Variants in PRAMEF1 observed in about 807,000 individuals in gnomAD.
PRAMEF1 encodes PRAME family member 1.
In PRAMEF1, 21 loss-of-function variants were observed where a neutral mutation model predicts 38.2. The observed-to-expected ratio is 0.55, with a 90% CI of 0.39 to 0.79. The LOEUF (loss-of-function observed/expected upper bound fraction) is 0.79, where lower values mean the gene tolerates loss of function less well. Ranked by LOEUF, PRAMEF1 falls within the 30% of genes least tolerant of loss-of-function variation. The pLI, the probability that PRAMEF1 is intolerant of heterozygous loss-of-function variation, is 0.00. For missense variants in PRAMEF1, 497 were observed against 565.8 expected (o/e 0.88, Z 1.23); for synonymous variants, 200 against 229.0 (o/e 0.87, Z 1.14).
rs749333484 is a variant in PRAMEF1 at position 12,795,525 on chromosome 1, C to T, written c.954C>T (p.Ser318=). Residue 318 remains serine, a synonymous_variant, in exon 4 of 4, where the codon AGC becomes AGT. Coordinates refer to ENST00000332296, the MANE Select transcript of PRAMEF1 (RefSeq NM_023013.4). Reference sequence around the variant, plus strand: ...TGAAGTGTCTCTCCCAGTACCCAAGCCTCGGTTACCTAAAGCATCTGAATC... The same window carrying T: ...TGAAGTGTCTCTCCCAGTACCCAAGTCTCGGTTACCTAAAGCATCTGAATC... ...EDMKCLSQYP[S]LGYLKHLNLS... 2.5e-5 allele frequency: 40 copies of T among 1,612,376 alleles called. No homozygotes were observed. The highest frequency in any genetic ancestry group is 1.8e-4 in the Middle Eastern group (1 of 5,618).
At position 12,795,734 on chromosome 1, in the gene PRAMEF1, G is replaced by A. The variant is rs753179092; in HGVS notation, c.1163G>A (p.Cys388Tyr). 5 of 1,611,276 alleles carry A rather than the reference G, an allele frequency of 3.1e-6. No individual in the cohort carries two copies. The highest frequency in any genetic ancestry group is 1.3e-5 in the African/African-American group (1 of 74,614). ...ACCACCTTCTACTTTGGCAGAAATT[G>A]CATGTCTATTGACGCCCTGAAGGAC... ...QLTTFYFGRN[C>Y]MSIDALKDLL... The change falls in exon 4 of 4, where the codon TGC becomes TAC. Residue 388 changes from cysteine to tyrosine, a missense_variant. By Grantham distance (194) the Cys-to-Tyr change is radical. Coordinates refer to ENST00000332296, the MANE Select transcript of PRAMEF1 (RefSeq NM_023013.4).
rs750066041 is a variant in PRAMEF1 at position 12,794,374 on chromosome 1, T to C, written c.747T>C (p.Asn249=). The C allele has an allele frequency of 2.5e-6, 4 of 1,611,996 alleles. No homozygotes were observed. In the South Asian group the frequency reaches 3.3e-5, roughly 13 times the overall value. ...FSRCHHYTSD[N]ELEGRLVAKF... Reference sequence around the variant, plus strand: ...GGTGCCATCATTACACGTCAGATAATGAACTCGAAGGACGGTTAGTTGCCA... The same window carrying C: ...GGTGCCATCATTACACGTCAGATAACGAACTCGAAGGACGGTTAGTTGCCA... Residue 249 remains asparagine (N), a synonymous_variant, in exon 3 of 4, where the codon AAT becomes AAC. Transcript: ENST00000332296.
At position 12,796,298 on chromosome 1, in the gene PRAMEF1, T is replaced by G. The variant is rs984704975; in HGVS notation, c.*302T>G. The G allele has an allele frequency of 2.1e-6, 1 of 478,244 alleles. No individual in the cohort carries two copies. Among genetic ancestry groups the G allele is most frequent in the Admixed American group, 4.0e-5 (1 of 25,040 alleles). 29.6% of individuals were successfully genotyped at this position (478,244 alleles called of 1,614,324 possible). ...AAAGGAAGCACAGGCAAGTGTTCAG[T>G]GTGAGGGAAAAAACATAACAGCAGG... On this transcript the variant is annotated 3_prime_UTR_variant, in exon 4 of 4. Coordinates refer to ENST00000332296, the MANE Select transcript of PRAMEF1 (RefSeq NM_023013.4).
Position 12,795,521 on chromosome 1 carries a change from C to T in PRAMEF1, c.950C>T (p.Pro317Leu), listed in dbSNP as rs371707578. ...GACATGAAGTGTCTCTCCCAGTACC[C>T]AAGCCTCGGTTACCTAAAGCATCTG... The part of the protein sequence containing the change: ...EEDMKCLSQY[P>L]SLGYLKHLNL... Residue 317 changes from proline (P) to leucine (L), a missense_variant, in exon 4 of 4, where the codon CCA (proline) becomes CTA (leucine). By Grantham distance (98) the Pro-to-Leu change is moderately conservative. Transcript: ENST00000332296. 7 of 1,612,492 alleles carry T rather than the reference C, an allele frequency of 4.3e-6. No individual in the cohort carries two copies. The Admixed American group carries it at 1.0e-4, about 23-fold the overall frequency.
chr1:12,793,056 TG>T, intron 1 of PRAMEF1, 146 bp from the exon 2 acceptor site: 1 of 1,111,726 alleles, frequency 9.0e-7, no homozygotes. Context: ...TGGGATTCAG[TG>T]GAGCAATGGA....
chr1:12,793,504 G>T lies in PRAMEF1; in HGVS notation c.277G>T (p.Asp93Tyr). The change falls in exon 2 of 4, where the codon GAT (aspartate) becomes TAT (tyrosine). Residue 93 changes from aspartate to tyrosine, a missense_variant. Around this residue, in one of 2 missense-constraint regions of PRAMEF1, gnomAD observed 470 missense variants for 501.9 expected, o/e 0.94. Transcript: ENST00000332296. ...EGLHMLLTQK[D>Y]RPRRWKLQVL... The stretch of plus-strand genomic sequence containing the variant: ...GCTTCATATGCTGCTTACACAGAAG[G>T]ATCGCCCCAGGTGAGGTGACCCAGG... 1 of 1,608,070 alleles carries T rather than the reference G, an allele frequency of 6.2e-7. No homozygotes were observed. The highest frequency in any genetic ancestry group is 8.5e-7 in the Non-Finnish European group (1 of 1,177,496).
At chr1:12,792,795 A>G (rs925141251) in intron 1 of PRAMEF1, among the ~76,000 whole-genome samples, 3 of 151,002 alleles carry the variant, frequency 2.0e-5, no homozygotes, top group Non-Finnish European at 4.4e-5. Flanking sequence ...TGTTGGGATT[A>G]CAGACATGAG....
In PRAMEF1 at chr1:12,794,565, G is replaced by A. The variant is rs1302499181; in HGVS notation, c.866+72G>A. 2.6e-6 allele frequency: 4 copies of A among 1,564,844 alleles called. No individual in the cohort carries two copies. In the African/African-American group the frequency reaches 4.0e-5, roughly 16 times the overall value. On this transcript the variant is annotated intron_variant, in intron 3 of 3. Transcript: ENST00000332296. ...GTTCTGTAACAGCAAACATTAGAAT[G>A]CATGTACTGTGTGCCAGCCAGTGGC...
At chr1:12,793,723 A>T (rs4989048) in intron 2 of PRAMEF1, among the ~76,000 whole-genome samples, 192 bp from the exon 3 acceptor site, 5 of 151,498 alleles carry the variant, frequency 3.3e-5, no homozygotes, top group East Asian at 2.0e-4. Context: ...ACCTGCCTTT[A>T]CTCAGTGGAA....
Position 12,796,404 on chromosome 1 carries a change from A to G in PRAMEF1, c.*408A>G, listed in dbSNP as rs994249789. 1.7e-5 allele frequency: 4 copies of G among 238,966 alleles called. No homozygotes were observed. The highest frequency in any genetic ancestry group is 1.1e-4 in the East Asian group (1 of 9,154). 14.8% of individuals were successfully genotyped at this position (238,966 alleles called of 1,614,324 possible). ...TGTCCTAGAGTCGGAAAGAGAAGCTAAAGTTCTACAGTGATGAGACTGTTA... is the reference window on the plus strand; with the variant it reads ...TGTCCTAGAGTCGGAAAGAGAAGCTGAAGTTCTACAGTGATGAGACTGTTA... On this transcript the variant is annotated 3_prime_UTR_variant, in exon 4 of 4. Coordinates refer to ENST00000332296, the MANE Select transcript of PRAMEF1 (RefSeq NM_023013.4).
Position 12,796,207 on chromosome 1 carries a change from T to C in PRAMEF1, c.*211T>C. 1.1e-6 allele frequency: 1 copy of C among 929,134 alleles called. No individual in the cohort carries two copies. Among genetic ancestry groups the C allele is most frequent in the South Asian group, 1.9e-5 (1 of 52,716 alleles). The allele number at this position is 929,134 out of a possible 1,614,324, so 57.6% of individuals were successfully genotyped here. A position where few individuals can be genotyped will look rare whatever the true frequency, so the allele number is the denominator to read the frequency against. The stretch of plus-strand genomic sequence containing the variant: ...AACTGCTGGGCTTATGGGATCCTCC[T>C]GCCTCAGCTTCCTAAAGTGCTGGGA... On this transcript the variant is annotated 3_prime_UTR_variant, in exon 4 of 4. Transcript: ENST00000332296.
At chr1:12,795,354 T>G in intron 3 of PRAMEF1, 84 bp from the exon 4 acceptor site, 6 of 1,448,838 alleles carry the variant, frequency 4.1e-6, no homozygotes, top group Non-Finnish European at 5.7e-6. Flanking sequence ...TTGTGTTTGT[T>G]TGACGCAGGC....
In PRAMEF1 at chr1:12,795,570, C is replaced by G; in HGVS notation, c.999C>G (p.Phe333Leu). 6.2e-7 allele frequency: 1 copy of G among 1,612,384 alleles called. No homozygotes were observed. The highest frequency in any genetic ancestry group is 8.5e-7 in the Non-Finnish European group (1 of 1,179,776). ...KHLNLSYVLL[F>L]RISLEPLGAL... Reference sequence around the variant, plus strand: ...TGAATCTCAGCTACGTGCTGCTGTTCCGCATCAGTCTTGAACCCCTCGGAG... The same window carrying G: ...TGAATCTCAGCTACGTGCTGCTGTTGCGCATCAGTCTTGAACCCCTCGGAG... The change falls in exon 4 of 4, where the codon TTC becomes TTG. Residue 333 changes from phenylalanine (F) to leucine (L), a missense_variant. This residue lies in a region of PRAMEF1 where 470 missense variants were observed against 501.9 expected (regional missense o/e 0.94). Coordinates refer to ENST00000332296, the MANE Select transcript of PRAMEF1 (RefSeq NM_023013.4).
Position 12,794,540 on chromosome 1 carries a change from G to C in PRAMEF1, c.866+47G>C, listed in dbSNP as rs773560121. The C allele has an allele frequency of 1.2e-5, 20 of 1,602,590 alleles. 2 individuals are homozygous for C. The highest frequency in any genetic ancestry group is 1.6e-5 in the Non-Finnish European group (19 of 1,172,706). On this transcript the variant is annotated intron_variant, in intron 3 of 3. Transcript: ENST00000332296. ...TGTATGCAGACCACAGCATAGCCTTGTTCTGTAACAGCAAACATTAGAATG... is the reference window on the plus strand; with the variant it reads ...TGTATGCAGACCACAGCATAGCCTTCTTCTGTAACAGCAAACATTAGAATG...
chr1:12,792,189 T>G (rs1206164612), intron 1 of PRAMEF1, among the ~76,000 whole-genome samples: 1 of 150,898 alleles, frequency 6.6e-6, no homozygotes, highest in African/African-American at 2.4e-5. Context: ...GCCCAGCTAA[T>G]TTTTGTATTT....
intron 1 of PRAMEF1, among the ~76,000 whole-genome samples, chr1:12,792,538 G>A (rs1256607595): frequency 6.6e-6 from 1 of 151,166 alleles, no homozygotes; most frequent in Non-Finnish European, 1.5e-5. Context: ...TTACAGTCAT[G>A]CATGACCACA....
Position 12,794,400 on chromosome 1 carries a change from A to T in PRAMEF1, c.773A>T (p.Lys258Ile), listed in dbSNP as rs1063780. Residue 258 changes from lysine (K) to isoleucine (I), a missense_variant, in exon 3 of 4, where the codon AAA becomes ATA. Lys to Ile is a moderately radical substitution (Grantham distance 102, BLOSUM62 -3). This residue lies in a region of PRAMEF1 where 470 missense variants were observed against 501.9 expected (regional missense o/e 0.94). Transcript: ENST00000332296. ...DNELEGRLVA[K>I]FSSVFLRLEH... The stretch of plus-strand genomic sequence containing the variant: ...GAACTCGAAGGACGGTTAGTTGCCA[A>T]ATTCAGCTCTGTGTTCCTCAGGCTG... 1.2e-6 allele frequency: 2 copies of T among 1,610,676 alleles called. No individual in the cohort carries two copies. The highest frequency in any genetic ancestry group is 2.7e-5 in the African/African-American group (2 of 74,684).
chr1:12,792,016 CG>C lies in PRAMEF1; in HGVS notation c.-26+544del, dbSNP rs900713008. Among the ~76,000 whole-genome samples the C allele has an allele frequency of 8.0e-5, 12 of 150,860 alleles. 1 individual carries two copies. The highest frequency in any genetic ancestry group is 1.6e-4 in the Non-Finnish European group (11 of 67,704). On this transcript the variant is annotated intron_variant, in intron 1 of 3. Transcript: ENST00000332296. ...CTAGAATAGCATGGTAGCACTTTTA[CG>C]GTTTCTGGTTAATTTTTTTTTTCAG...
In PRAMEF1 at chr1:12,795,141, TC is replaced by T. The variant is rs540528533; in HGVS notation, c.867-294del. On this transcript the variant is annotated intron_variant, in intron 3 of 3. Coordinates refer to ENST00000332296, the MANE Select transcript of PRAMEF1 (RefSeq NM_023013.4). ...CTCAGTTGAGTTCTTTGTTCACATC[TC>T]CCACCGGGTACCTGTGGCCCAGAGA... is the stretch of plus-strand genomic sequence containing the variant. Among the ~76,000 whole-genome samples, 996 of 151,124 alleles carry T rather than the reference TC, an allele frequency of 6.6e-3. 27 individuals are homozygous for T. The highest frequency in any genetic ancestry group is 0.024 in the African/African-American group (969 of 41,106).
Sources: gnomAD v4.1 joint callset for allele counts (sites outside exome capture counted in the v4.1 genomes callset) on GRCh38, gnomAD v4.1.1 for gene constraint, gnomAD v4.1.1 regional missense constraint, MANE v1.5 for transcripts, NCBI Gene and HGNC (gene_info 2026-07-23, HGNC 2026-07-21) for gene names.